SPIDR: variants seen among roughly 807,000 people sequenced by gnomAD.
SPIDR encodes DNA repair-scaffolding protein.
Under a neutral mutation model 104.6 loss-of-function variants are expected in SPIDR, and 93 were observed. The ratio of observed to expected loss-of-function variants is 0.89; its 90% CI spans 0.75 to 1.06. SPIDR has a LOEUF of 1.06. Among genes scored for constraint, SPIDR ranks in the 50% least tolerant of loss-of-function variants. The probability of loss-of-function intolerance (pLI) is 0.00; values close to 1 mark genes in which losing one functional copy is unlikely to be tolerated. For synonymous variants in SPIDR, 431 were observed against 416.9 expected (o/e 1.03, Z -0.41); for missense variants, 1,154 against 1,111.2 (o/e 1.04, Z -0.55).
At chr8:47,261,145 G>T (rs779134383) in intron 1 of SPIDR, among the ~76,000 whole-genome samples, 154 bp downstream of exon 1, 2 of 152,126 alleles carry the variant, frequency 1.3e-5, no homozygotes, top group Non-Finnish European at 2.9e-5. Context: ...TGCGCGCGTG[G>T]AGCAAGCCCG....
At chr8:47,396,286 G>T (rs2061236598) in intron 5 of SPIDR, 90 bp from the exon 6 acceptor site, 1 of 1,106,838 alleles carries the variant, frequency 9.0e-7, no homozygotes, top group Admixed American at 2.4e-5. Flanking sequence ...GTAACTGTAA[G>T]GGAATGGAAT....
At chr8:47,288,822 C>T (rs1416884175) in intron 3 of SPIDR, among the ~76,000 whole-genome samples, 3 of 152,230 alleles carry the variant, frequency 2.0e-5, no homozygotes, top group African/African-American at 7.2e-5. Flanking sequence ...GTTTTTGTGC[C>T]TTTGTAAGTA....
At chr8:47,628,705 G>T (rs1484824771) in intron 10 of SPIDR, among the ~76,000 whole-genome samples, 1 of 152,098 alleles carries the variant, frequency 6.6e-6, no homozygotes, top group African/African-American at 2.4e-5. Flanking sequence ...AAAAACTCCT[G>T]TCCCAAGCAA....
At chr8:47,602,008 AC>A (rs1156873511) in intron 10 of SPIDR, among the ~76,000 whole-genome samples, 1 of 152,238 alleles carries the variant, frequency 6.6e-6, no homozygotes, top group African/African-American at 2.4e-5. Flanking sequence ...TTTATTCACT[AC>A]TAATTCTTTG....
At chr8:47,307,931 AT>A (rs1397272863) in intron 5 of SPIDR, among the ~76,000 whole-genome samples, 5 of 149,738 alleles carry the variant, frequency 3.3e-5, no homozygotes, top group African/African-American at 9.8e-5. Flanking sequence ...GTGTTGTTTT[AT>A]TTTTTTTTCT....
intron 7 of SPIDR, among the ~76,000 whole-genome samples, chr8:47,408,597 A>G (rs1278935375): frequency 1.3e-5 from 2 of 152,194 alleles, no homozygotes; most frequent in Non-Finnish European, 2.9e-5. Context: ...CCAGAGCACT[A>G]TTAGTCAAGA....
At chr8:47,712,974 C>T (rs1019539183) in intron 15 of SPIDR, 102 bp downstream of exon 15, 22 of 1,542,942 alleles carry the variant, frequency 1.4e-5, no homozygotes, top group African/African-American at 1.1e-4. Flanking sequence ...TGGACGCTGC[C>T]GGCACCTTCA....
At chr8:47,491,659 T>C (rs2078735571) in intron 8 of SPIDR, among the ~76,000 whole-genome samples, 1 of 152,104 alleles carries the variant, frequency 6.6e-6, no homozygotes, top group Non-Finnish European at 1.5e-5. Context: ...TGCTGTTCTC[T>C]GCTGTCTGCT....
At chr8:47,326,316 C>A (rs1408145474) in intron 5 of SPIDR, among the ~76,000 whole-genome samples, 4 of 152,164 alleles carry the variant, frequency 2.6e-5, no homozygotes, top group African/African-American at 7.2e-5. Context: ...CACCTAATTT[C>A]TTTTATGTAA....
chr8:47,403,756 T>C (rs2154318622), intron 6 of SPIDR, among the ~76,000 whole-genome samples: 1 of 152,320 alleles, frequency 6.6e-6, no homozygotes, highest in Non-Finnish European at 1.5e-5. Context: ...AGAATCAATA[T>C]TGGGAAAATG....
chr8:47,503,593 G>T (rs1002651620), intron 8 of SPIDR, among the ~76,000 whole-genome samples: 1 of 152,038 alleles, frequency 6.6e-6, no homozygotes, highest in African/African-American at 2.4e-5. Context: ...TATCCAATTT[G>T]CCAGTCTGTG....
At chr8:47,550,363 G>A (rs1157667543) in intron 8 of SPIDR, among the ~76,000 whole-genome samples, 1 of 152,130 alleles carries the variant, frequency 6.6e-6, no homozygotes, top group Non-Finnish European at 1.5e-5. Flanking sequence ...GGGCAGTATG[G>A]CCATTTTCAC....
intron 5 of SPIDR, among the ~76,000 whole-genome samples, chr8:47,388,878 A>G (rs1265513311): frequency 6.6e-6 from 1 of 152,254 alleles, no homozygotes; most frequent in Non-Finnish European, 1.5e-5. Context: ...GAGAAATTGT[A>G]GATGGCTTCA....
intron 8 of SPIDR, among the ~76,000 whole-genome samples, chr8:47,595,040 A>C (rs1282836713): frequency 1.3e-5 from 2 of 152,074 alleles, no homozygotes; most frequent in African/African-American, 2.4e-5. Context: ...GGAACTTGCC[A>C]CTGCCTCATT....
chr8:47,343,481 G>A (rs562771082), intron 5 of SPIDR, among the ~76,000 whole-genome samples: 1 of 152,214 alleles, frequency 6.6e-6, no homozygotes, highest in South Asian at 2.1e-4. Flanking sequence ...CAGAACTTAC[G>A]GGAAGCTGCT....
intron 1 of SPIDR, among the ~76,000 whole-genome samples, chr8:47,262,632 G>A (rs1317172660): frequency 6.6e-6 from 1 of 152,098 alleles, no homozygotes; most frequent in Non-Finnish European, 1.5e-5. Context: ...ACAAGATATC[G>A]GTCCCCGTGT....
At chr8:47,470,059 A>C (rs2075452784) in intron 8 of SPIDR, among the ~76,000 whole-genome samples, 2 of 152,220 alleles carry the variant, frequency 1.3e-5, no homozygotes, top group Non-Finnish European at 1.5e-5. Flanking sequence ...CTATTCGAAT[A>C]TTCATATGGA....
rs570133746 is a variant in SPIDR at position 47,262,176 on chromosome 8, C to T, written c.33+1185C>T. ...TTTCAGATCTATATTAGATCTTTCC[C>T]TAGAGCTCAAACTTAGTGCATCACA... is the stretch of plus-strand genomic sequence containing the variant. On this transcript the variant is annotated intron_variant, in intron 1 of 19. Transcript: ENST00000297423. Among the ~76,000 whole-genome samples, 8 of 152,292 alleles carry T rather than the reference C, an allele frequency of 5.3e-5. No homozygotes were observed. The South Asian group carries it at 1.7e-3, about 32-fold the overall frequency.
chr8:47,360,745 C>A, intron 5 of SPIDR: 1 of 724,834 alleles, frequency 1.4e-6, no homozygotes, highest in Non-Finnish European at 1.7e-6. Context: ...AAATGAAAAA[C>A]AAAACAAAAC....
Sources: gnomAD v4.1 joint callset for allele counts (sites outside exome capture counted in the v4.1 genomes callset) on GRCh38, gnomAD v4.1.1 for gene constraint, MANE v1.5 for transcripts, NCBI Gene and HGNC (gene_info 2026-07-23, HGNC 2026-07-21) for gene names.